CTNND2: variants seen among roughly 807,000 people sequenced by gnomAD.
CTNND2 encodes catenin delta-2.
Under a neutral mutation model 144.4 loss-of-function variants are expected in CTNND2, and 22 were observed. The ratio of observed to expected loss-of-function variants is 0.15; its 90% CI spans 0.11 to 0.22. The LOEUF (loss-of-function observed/expected upper bound fraction) is 0.22, where lower values mean the gene tolerates loss of function less well. Among genes scored for constraint, CTNND2 ranks in the 10% least tolerant of loss-of-function variants. The pLI, the probability that CTNND2 is intolerant of heterozygous loss-of-function variation, is 1.00. For synonymous variants in CTNND2, 751 were observed against 695.6 expected (o/e 1.08, Z -1.25); for missense variants, 1,353 against 1,618.8 (o/e 0.84, Z 2.82).
At chr5:11,617,799 T>C (rs1436545660) in intron 2 of CTNND2, among the ~76,000 whole-genome samples, 1 of 152,218 alleles carries the variant, frequency 6.6e-6, no homozygotes, top group Admixed American at 6.5e-5. Context: ...TGAATTCACA[T>C]TCTCAATTTC....
At chr5:11,122,443 T>G (rs74659518) in intron 12 of CTNND2, among the ~76,000 whole-genome samples, 3,206 of 152,038 alleles carry the variant, frequency 0.021, 70 homozygotes, top group African/African-American at 0.058. Flanking sequence ...GGCTAGGTTG[T>G]CTTCCTATGT....
chr5:11,556,737 CTT>C (rs1233237669), intron 3 of CTNND2, among the ~76,000 whole-genome samples: 3 of 110,196 alleles, frequency 2.7e-5, no homozygotes, highest in Non-Finnish European at 1.8e-5. Flanking sequence ...GTATGGCAGA[CTT>C]TGTTGGAAAC....
intron 2 of CTNND2, among the ~76,000 whole-genome samples, chr5:11,646,649 G>A (rs1271597736): frequency 2.6e-5 from 4 of 151,200 alleles, no homozygotes; most frequent in African/African-American, 4.8e-5. Flanking sequence ...AGTAAATTTC[G>A]TTTACTTGAT....
intron 2 of CTNND2, among the ~76,000 whole-genome samples, chr5:11,653,361 T>C (rs543161097): frequency 6.6e-6 from 1 of 152,226 alleles, no homozygotes; most frequent in East Asian, 1.9e-4. Context: ...AGTCTCATGA[T>C]GAGGGTTCTC....
chr5:11,435,336 G>T (rs1338280034), intron 3 of CTNND2, among the ~76,000 whole-genome samples: 3 of 151,832 alleles, frequency 2.0e-5, no homozygotes, highest in Non-Finnish European at 2.9e-5. Context: ...TAGAGATGGG[G>T]TTTCACCGTG....
rs371462448 is a variant in CTNND2, at chr5:11,341,229, C to T, written c.1628+5143G>A. On this transcript the variant is annotated intron_variant, in intron 9 of 21. Coordinates refer to ENST00000304623, the MANE Select transcript of CTNND2 (RefSeq NM_001332.4). ...AAAAAGGGATAGGTGTATTCTCAAACGATTTCAAAGGTCAGAAACAAGATC... is the reference window on the plus strand; with the variant it reads ...AAAAAGGGATAGGTGTATTCTCAAATGATTTCAAAGGTCAGAAACAAGATC... Among the ~76,000 whole-genome samples the T allele has an allele frequency of 9.3e-4, 141 of 152,204 alleles. 3 individuals carry two copies. In the South Asian group the frequency reaches 0.028, roughly 31 times the overall value.
intron 13 of CTNND2, among the ~76,000 whole-genome samples, chr5:11,116,785 T>C (rs1292458684): frequency 6.6e-6 from 1 of 152,152 alleles, no homozygotes; most frequent in Non-Finnish European, 1.5e-5. Flanking sequence ...AATCTGGGTG[T>C]GGTGGCTCAT....
intron 9 of CTNND2, among the ~76,000 whole-genome samples, chr5:11,240,504 A>C (rs1742215086): frequency 2.4e-5 from 3 of 124,258 alleles, no homozygotes; most frequent in East Asian, 2.5e-4. Flanking sequence ...CAACACACAC[A>C]CCCAACACAC....
At chr5:11,045,280 G>A (rs1745115165) in intron 16 of CTNND2, among the ~76,000 whole-genome samples, 1 of 152,174 alleles carries the variant, frequency 6.6e-6, no homozygotes, top group Non-Finnish European at 1.5e-5. Flanking sequence ...TCTGCTTTTG[G>A]TAAGGGCTTC....
intron 16 of CTNND2, among the ~76,000 whole-genome samples, chr5:11,065,712 C>A (rs1176409595): frequency 6.6e-6 from 1 of 152,152 alleles, no homozygotes; most frequent in African/African-American, 2.4e-5. Flanking sequence ...TTTATTTAAT[C>A]CTATATATCG....
At chr5:10,979,586 C>T (rs1350264198) in intron 21 of CTNND2, among the ~76,000 whole-genome samples, 1 of 152,144 alleles carries the variant, frequency 6.6e-6, no homozygotes, top group Admixed American at 6.5e-5. Context: ...TGTCTTTTGG[C>T]TTTTATAGTT....
chr5:11,861,379 T>G (rs918070310), intron 1 of CTNND2, among the ~76,000 whole-genome samples: 1 of 152,154 alleles, frequency 6.6e-6, no homozygotes, highest in Non-Finnish European at 1.5e-5. Context: ...CTTCATTTTC[T>G]CCTCTATCAG....
At chr5:11,781,427 C>T (rs996220652) in intron 1 of CTNND2, among the ~76,000 whole-genome samples, 2 of 152,184 alleles carry the variant, frequency 1.3e-5, no homozygotes, top group African/African-American at 4.8e-5. Context: ...AGCCAGCCTC[C>T]GCCCTTTAGG....
At chr5:11,047,286 G>T (rs1043102573) in intron 16 of CTNND2, among the ~76,000 whole-genome samples, 1 of 152,168 alleles carries the variant, frequency 6.6e-6, no homozygotes, top group Admixed American at 6.5e-5. Context: ...GCGGGACTGG[G>T]CAACTGGTTC....
At chr5:11,562,624 A>AT (rs1776768494) in intron 3 of CTNND2, among the ~76,000 whole-genome samples, 1 of 152,234 alleles carries the variant, frequency 6.6e-6, no homozygotes, top group African/African-American at 2.4e-5. Flanking sequence ...CAACACTATT[A>AT]TTTAGTACAG....
At chr5:11,152,899 G>T (rs932338643) in intron 12 of CTNND2, among the ~76,000 whole-genome samples, 3 of 152,188 alleles carry the variant, frequency 2.0e-5, no homozygotes, top group African/African-American at 4.8e-5. Flanking sequence ...GTGGAGTGGG[G>T]TGAGTGGTGT....
intron 10 of CTNND2, among the ~76,000 whole-genome samples, chr5:11,203,611 G>GCGATTTATC (rs1404778119): frequency 6.6e-6 from 1 of 152,136 alleles, no homozygotes; most frequent in Admixed American, 6.5e-5. Flanking sequence ...CTAGGCTCAA[G>GCGATTTATC]CGATTTATCC....
intron 1 of CTNND2, among the ~76,000 whole-genome samples, chr5:11,826,405 A>G (rs1793600740): frequency 6.6e-6 from 1 of 152,048 alleles, no homozygotes; most frequent in African/African-American, 2.4e-5. Context: ...AAGAAAACTC[A>G]ATTAATCCAA....
chr5:10,984,931 G>A (rs1013099535), intron 20 of CTNND2, among the ~76,000 whole-genome samples: 2 of 151,900 alleles, frequency 1.3e-5, no homozygotes, highest in Non-Finnish European at 2.9e-5. Flanking sequence ...AAAATTAGCC[G>A]GGCATGGTGG....
Sources: allele counts gnomAD v4.1 joint callset (sites outside exome capture counted in the v4.1 genomes callset), GRCh38; gene constraint gnomAD v4.1.1; transcripts MANE v1.5; gene names NCBI Gene and HGNC (gene_info 2026-07-23, HGNC 2026-07-21).